The following RALYL variants were observed in gnomAD, a reference collection of about 807,000 sequenced individuals.
RALYL encodes the protein RALY RNA binding protein like.
Under a neutral mutation model 35.1 loss-of-function variants are expected in RALYL, and 29 were observed. The ratio of observed to expected loss-of-function variants is 0.83; its 90% CI spans 0.61 to 1.13. RALYL has a LOEUF of 1.13. RALYL is among the 50% of genes most tolerant of loss of function. The pLI, the probability that RALYL is intolerant of heterozygous loss-of-function variation, is 0.00. For missense variants in RALYL, 359 were observed against 360.4 expected (o/e 1.00, Z 0.03); for synonymous variants, 120 against 127.6 (o/e 0.94, Z 0.40).
Position 84,266,914 on chromosome 8 carries a change from C to G in RALYL, c.-24+82490C>G, listed in dbSNP as rs961358071. Among the ~76,000 whole-genome samples the G allele has an allele frequency of 2.0e-5, 3 of 146,938 alleles. No homozygotes were observed. The Admixed American group carries it at 2.1e-4, about 10-fold the overall frequency. ...GGCGGAGCTTGCAGTGAGCCGAGATCGCGCCACTGCACTCCAGCCTGGGCG... is the reference window on the plus strand; with the variant it reads ...GGCGGAGCTTGCAGTGAGCCGAGATGGCGCCACTGCACTCCAGCCTGGGCG... On this transcript the variant is annotated intron_variant, in intron 1 of 8. Coordinates refer to ENST00000521268, the MANE Select transcript of RALYL (RefSeq NM_173848.7).
intron 1 of RALYL, among the ~76,000 whole-genome samples, chr8:84,488,679 TG>T (rs2054914540): frequency 6.6e-6 from 1 of 151,990 alleles, no homozygotes; most frequent in African/African-American, 2.4e-5. Context: ...ATTCATAGAA[TG>T]GTGATTACTT....
rs545608284 is a variant in RALYL at position 84,257,181 on chromosome 8, A to AT, written c.-24+72764dup. ...GAATTCGAGATTTTTTTTAAAGTTAATTTTTTTACAACAAAAATTATTCTT... is the reference window on the plus strand; with the variant it reads ...GAATTCGAGATTTTTTTTAAAGTTAATTTTTTTTACAACAAAAATTATTCTT... On this transcript the variant is annotated intron_variant, in intron 1 of 8. Transcript: ENST00000521268. Among the ~76,000 whole-genome samples, 13 of 151,970 alleles carry AT rather than the reference A, an allele frequency of 8.6e-5. No homozygotes were observed. In the South Asian group the frequency reaches 2.3e-3, roughly 27 times the overall value.
At chr8:84,596,544 T>G (rs1447734590) in intron 2 of RALYL, among the ~76,000 whole-genome samples, 1 of 152,140 alleles carries the variant, frequency 6.6e-6, no homozygotes, top group Non-Finnish European at 1.5e-5. Context: ...ATTTAAGAAG[T>G]CTAATTTGCT....
rs991783468 is a variant in RALYL, at chr8:84,903,704, G to A, written c.858+15928G>A. ...TTTTTGTGTAGGGTGGGCCAAACCC[G>A]TATTATAGTTCTATGATGCCAAGCC... On this transcript the variant is annotated intron_variant, in intron 8 of 8. Coordinates refer to ENST00000521268, the MANE Select transcript of RALYL (RefSeq NM_173848.7). Among the ~76,000 whole-genome samples, 16 of 152,244 alleles carry A rather than the reference G, an allele frequency of 1.1e-4. No homozygotes were observed. The East Asian group carries it at 2.1e-3, about 20-fold the overall frequency.
intron 1 of RALYL, among the ~76,000 whole-genome samples, chr8:84,247,585 T>C (rs1040367381): frequency 2.0e-5 from 3 of 151,792 alleles, no homozygotes; most frequent in Admixed American, 6.6e-5. Flanking sequence ...TTTGTAAATA[T>C]AGAATAGGAC....
intron 2 of RALYL, among the ~76,000 whole-genome samples, chr8:84,616,706 A>G (rs977817246): frequency 6.6e-6 from 1 of 151,336 alleles, no homozygotes; most frequent in Non-Finnish European, 1.5e-5. Flanking sequence ...GTTTTCTTCT[A>G]GGGTTTTTAT....
intron 2 of RALYL, among the ~76,000 whole-genome samples, chr8:84,714,807 G>A (rs1467413657): frequency 1.3e-5 from 2 of 151,810 alleles, no homozygotes; most frequent in Admixed American, 6.6e-5. Flanking sequence ...AAAGGGGAGA[G>A]GTGGGTATAA....
chr8:84,304,311 G>T (rs1841389099), intron 1 of RALYL, among the ~76,000 whole-genome samples: 1 of 151,964 alleles, frequency 6.6e-6, no homozygotes, highest in Non-Finnish European at 1.5e-5. Flanking sequence ...TAGAGATGAG[G>T]TTTCACCGTG....
intron 1 of RALYL, chr8:84,184,757 C>A: frequency 2.2e-6 from 1 of 450,274 alleles, no homozygotes; most frequent in Non-Finnish European, 3.9e-6. Context: ...CCGGCGGGCC[C>A]TGTAAGTTCT....
chr8:84,444,078 C>T (rs1261130243), intron 1 of RALYL, among the ~76,000 whole-genome samples: 1 of 152,096 alleles, frequency 6.6e-6, no homozygotes, highest in African/African-American at 2.4e-5. Flanking sequence ...CCTGTCATGT[C>T]AGCACTTTGG....
At chr8:84,679,447 A>G in intron 2 of RALYL, 1 of 300,556 alleles carries the variant, frequency 3.3e-6, no homozygotes, top group Non-Finnish European at 6.6e-6. Context: ...GGTGCAAGAC[A>G]CTCTGTGCTT....
intron 2 of RALYL, among the ~76,000 whole-genome samples, chr8:84,578,731 T>A (rs1303549923): frequency 6.6e-6 from 1 of 152,126 alleles, no homozygotes; most frequent in Non-Finnish European, 1.5e-5. Flanking sequence ...GTAGCTCCTT[T>A]CACAGGCAAG....
intron 2 of RALYL, among the ~76,000 whole-genome samples, chr8:84,649,362 A>G (rs1479724785): frequency 1.3e-5 from 2 of 151,904 alleles, no homozygotes; most frequent in East Asian, 1.9e-4. Context: ...GCCCATGCCT[A>G]TGTCCTGAAT....
chr8:84,829,290 G>C (rs992688763), intron 4 of RALYL: 1 of 152,182 alleles, frequency 6.6e-6, no homozygotes, highest in Admixed American at 6.6e-5. Context: ...GGGATTATGG[G>C]AGCTACAACT....
At chr8:84,557,541 T>C (rs566825470) in intron 2 of RALYL, among the ~76,000 whole-genome samples, 41 of 152,348 alleles carry the variant, frequency 2.7e-4, no homozygotes, top group African/African-American at 9.6e-4. Context: ...AGCTTATGCA[T>C]TCTCTATGAA....
chr8:84,786,312 A>G (rs576307702), intron 3 of RALYL, among the ~76,000 whole-genome samples: 1 of 152,206 alleles, frequency 6.6e-6, no homozygotes, highest in Non-Finnish European at 1.5e-5. Flanking sequence ...TCCTTATAAT[A>G]GAACGATTTC....
At chr8:84,651,284 G>A (rs56184049) in intron 2 of RALYL, among the ~76,000 whole-genome samples, 29,288 of 151,310 alleles carry the variant, frequency 0.19, 3,086 homozygotes, top group Non-Finnish European at 0.23. Flanking sequence ...CTGGCAATAA[G>A]GATAGCATGA....
intron 2 of RALYL, among the ~76,000 whole-genome samples, chr8:84,669,583 A>C (rs1016148187): frequency 1.9e-4 from 28 of 147,612 alleles, no homozygotes; most frequent in African/African-American, 7.0e-4. Context: ...AAGTGAGAGC[A>C]TGTGATATTT....
At chr8:84,371,539 TCACACACACACACACA>T (rs5892914) in intron 1 of RALYL, among the ~76,000 whole-genome samples, 3 of 144,158 alleles carry the variant, frequency 2.1e-5, no homozygotes, top group South Asian at 2.2e-4. Context: ...TTTATGATTA[TCACACACACACACACA>T]CACACACACA....
Sources: allele counts gnomAD v4.1 joint callset (sites outside exome capture counted in the v4.1 genomes callset), GRCh38; gene constraint gnomAD v4.1.1; transcripts MANE v1.5; gene names NCBI Gene and HGNC (gene_info 2026-07-23, HGNC 2026-07-21).